The following PAPPA variants were observed in gnomAD, a reference collection of about 807,000 sequenced individuals.
PAPPA encodes pappalysin-1.
PAPPA carries 60 observed loss-of-function variants against 164.0 expected under a neutral mutation model. That is an observed-to-expected ratio of 0.37 (90% CI 0.30 to 0.45). The LOEUF (loss-of-function observed/expected upper bound fraction) is 0.45. Among genes scored for constraint, PAPPA ranks in the 20% least tolerant of loss-of-function variants. PAPPA has a pLI of 1.00. For missense variants in PAPPA, 1,782 were observed against 2,087.3 expected, an observed-to-expected ratio of 0.85 and a Z score of 2.85; for synonymous variants, 875 against 814.1, an observed-to-expected ratio of 1.07 and a Z score of -1.27.
chr9:116,377,250 A>C, intron 19 of PAPPA, among the ~76,000 whole-genome samples: 1 of 150,768 alleles, frequency 6.6e-6, no homozygotes, highest in African/African-American at 2.4e-5. Context: ...CCTTATCCCA[A>C]CTCCACGAAT....
chr9:116,327,073 C>G (rs1347958258), intron 10 of PAPPA, among the ~76,000 whole-genome samples: 2 of 152,184 alleles, frequency 1.3e-5, no homozygotes, highest in Non-Finnish European at 2.9e-5. Flanking sequence ...CAGGTTTGAG[C>G]TCCATGGAAT....
intron 1 of PAPPA, among the ~76,000 whole-genome samples, chr9:116,169,718 A>T (rs1843755522): frequency 6.6e-6 from 1 of 151,218 alleles, no homozygotes; most frequent in African/African-American, 2.4e-5. Context: ...ATATAAGAGG[A>T]TGAGGATGGC....
intron 7 of PAPPA, among the ~76,000 whole-genome samples, chr9:116,238,876 A>G (rs2118753625): frequency 6.6e-6 from 1 of 152,260 alleles, no homozygotes; most frequent in African/African-American, 2.4e-5. Flanking sequence ...TGGTAATTTG[A>G]GTCCTGAACC....
rs1180339820 is a variant in PAPPA at position 116,288,992 on chromosome 9, G to A, written c.2954-13765G>A. 5 of 151,594 alleles carry A rather than the reference G, an allele frequency of 3.3e-5. No individual in the cohort carries two copies. The South Asian group carries it at 6.3e-4, about 19-fold the overall frequency. 9.4% of individuals were successfully genotyped at this position (151,594 alleles called of 1,614,324 possible). The stretch of plus-strand genomic sequence containing the variant: ...TTCATGTGGTGCCTGACTCATCCTC[G>A]AGTCCTTGGCCCACTGGTAGACATA... On this transcript the variant is annotated intron_variant, in intron 9 of 21. Coordinates refer to ENST00000328252, the MANE Select transcript of PAPPA (RefSeq NM_002581.5).
chr9:116,295,621 G>A (rs1019835592), intron 9 of PAPPA, among the ~76,000 whole-genome samples: 52 of 150,806 alleles, frequency 3.4e-4, no homozygotes, highest in African/African-American at 1.0e-3. Context: ...GGATAATTTC[G>A]ATTTATTTAA....
chr9:116,296,864 T>A (rs1845515758), intron 9 of PAPPA, among the ~76,000 whole-genome samples: 1 of 151,306 alleles, frequency 6.6e-6, no homozygotes, highest in Admixed American at 6.6e-5. Flanking sequence ...ATGTGTTTAT[T>A]TTTTTTTTGA....
intron 1 of PAPPA, among the ~76,000 whole-genome samples, chr9:116,180,587 G>GT (rs1309296433): frequency 6.6e-6 from 1 of 152,058 alleles, no homozygotes; most frequent in Non-Finnish European, 1.5e-5. Flanking sequence ...TCCTGGTGGA[G>GT]TTTTTTCTCC....
In PAPPA at chr9:116,397,733, A is replaced by AT. The variant is rs1846984745; in HGVS notation, c.*1121dup. ...TCCAGAATGTCTAAGCCAGTGTTAG[A>AT]TTTTGTAAACAAGTGGAACAGTGTT... On this transcript the variant is annotated 3_prime_UTR_variant, in exon 22 of 22. Transcript: ENST00000328252. 1.3e-5 allele frequency: 2 copies of AT among 152,646 alleles called. No homozygotes were observed. The highest frequency in any genetic ancestry group is 2.9e-5 in the Non-Finnish European group (2 of 68,054). 9.5% of individuals were successfully genotyped at this position (152,646 alleles called of 1,614,324 possible).
intron 9 of PAPPA, among the ~76,000 whole-genome samples, chr9:116,284,403 T>G (rs1469324611): frequency 6.6e-6 from 1 of 152,180 alleles, no homozygotes; most frequent in Non-Finnish European, 1.5e-5. Flanking sequence ...CTGTTTTTCT[T>G]AACTTTTCTG....
intron 18 of PAPPA, among the ~76,000 whole-genome samples, chr9:116,363,138 G>A (rs1193772761): frequency 1.3e-5 from 2 of 152,218 alleles, no homozygotes; most frequent in African/African-American, 4.8e-5. Flanking sequence ...AGCAATAGCA[G>A]TCTGGTGCAG....
rs892171395 is a variant in PAPPA at position 116,202,473 on chromosome 9, A to C, written c.1479-4983A>C. The stretch of plus-strand genomic sequence containing the variant: ...AAATGCAGTTCTGGCAAAGGGGTAA[A>C]GTCTGGGCGCCTTGGCAATCAGGGC... On this transcript the variant is annotated intron_variant, in intron 2 of 21. Coordinates refer to ENST00000328252, the MANE Select transcript of PAPPA (RefSeq NM_002581.5). 8.9e-4 allele frequency among the ~76,000 whole-genome samples: 136 copies of C among 152,246 alleles called. 1 individual carries two copies. Among genetic ancestry groups the C allele is most frequent in the African/African-American group, 3.2e-3 (133 of 41,560 alleles).
At chr9:116,393,466 G>T (rs1846920760) in intron 21 of PAPPA, among the ~76,000 whole-genome samples, 1 of 152,230 alleles carries the variant, frequency 6.6e-6, no homozygotes, top group South Asian at 2.1e-4. Context: ...AATGCATAAA[G>T]ACTGAGTTCA....
chr9:116,246,817 C>G (rs1844801992), intron 7 of PAPPA, among the ~76,000 whole-genome samples: 1 of 152,110 alleles, frequency 6.6e-6, no homozygotes. Flanking sequence ...GAGTTCAAGA[C>G]CAGCCTGGAC....
chr9:116,168,800 ACT>A (rs1158437777), intron 1 of PAPPA, among the ~76,000 whole-genome samples: 1 of 151,654 alleles, frequency 6.6e-6, no homozygotes, highest in Admixed American at 6.6e-5. Context: ...AGCCAATGCA[ACT>A]CCTTATCTTC....
intron 15 of PAPPA, 125 bp from the exon 16 acceptor site, chr9:116,352,581 G>A: frequency 2.7e-6 from 2 of 745,060 alleles, no homozygotes; most frequent in Non-Finnish European, 4.8e-6. Flanking sequence ...GGAAGTAGAA[G>A]GGGTTGGAAT....
At chr9:116,175,215 C>T (rs1426784859) in intron 1 of PAPPA, among the ~76,000 whole-genome samples, 1 of 152,204 alleles carries the variant, frequency 6.6e-6, no homozygotes, top group Non-Finnish European at 1.5e-5. Flanking sequence ...AGGACCGCCA[C>T]TCTTGCCTCT....
chr9:116,301,723 A>G (rs1037331782), intron 9 of PAPPA, among the ~76,000 whole-genome samples: 4 of 152,142 alleles, frequency 2.6e-5, no homozygotes, highest in Non-Finnish European at 4.4e-5. Flanking sequence ...ATGACATGGG[A>G]GCTTGAGAAT....
intron 1 of PAPPA, among the ~76,000 whole-genome samples, chr9:116,162,953 T>TA (rs950983167): frequency 2.6e-4 from 40 of 151,266 alleles, no homozygotes; most frequent in Admixed American, 8.6e-4. Context: ...TTGTGTCATT[T>TA]AAAAAAAAAT....
intron 9 of PAPPA, among the ~76,000 whole-genome samples, chr9:116,283,379 A>G (rs531154326): frequency 1.3e-5 from 2 of 151,974 alleles, no homozygotes; most frequent in Non-Finnish European, 2.9e-5. Flanking sequence ...CAGGTTTGAC[A>G]CTCTGCCACT....
Sources: gnomAD v4.1 joint callset for allele counts (sites outside exome capture counted in the v4.1 genomes callset) on GRCh38, gnomAD v4.1.1 for gene constraint, MANE v1.5 for transcripts, NCBI Gene and HGNC (gene_info 2026-07-23, HGNC 2026-07-21) for gene names.